Variants in SNTG2 observed in about 807,000 individuals in gnomAD.
SNTG2 encodes the protein gamma-2-syntrophin.
SNTG2 carries 74 observed loss-of-function variants against 70.9 expected under a neutral mutation model. The observed-to-expected ratio is 1.04, with a 90% CI of 0.86 to 1.27. The LOEUF is 1.27. SNTG2 is among the 50% of genes most tolerant of loss of function. The pLI, the probability that SNTG2 is intolerant of heterozygous loss-of-function variation, is 0.00. For missense variants in SNTG2, 717 were observed against 690.7 expected (o/e 1.04, Z -0.43); for synonymous variants, 278 against 273.8 (o/e 1.02, Z -0.15).
chr2:975,159 C>G (rs1660869612), intron 1 of SNTG2, among the ~76,000 whole-genome samples: 1 of 151,734 alleles, frequency 6.6e-6, no homozygotes, highest in Non-Finnish European at 1.5e-5. Context: ...CCCTTCCACT[C>G]ACACTTGGAA....
intron 8 of SNTG2, among the ~76,000 whole-genome samples, chr2:1,197,486 T>C (rs1235909648): frequency 7.3e-6 from 1 of 136,062 alleles, no homozygotes; most frequent in Admixed American, 8.4e-5. Flanking sequence ...TATATATATA[T>C]GTGTATGTAT....
chr2:1,203,498 A>C (rs1256267599), intron 8 of SNTG2, among the ~76,000 whole-genome samples: 1 of 143,462 alleles, frequency 7.0e-6, no homozygotes, highest in Non-Finnish European at 1.5e-5. Flanking sequence ...TCTCTACTTA[A>C]AAAAAAAAAG....
chr2:1,125,774 A>C (rs1454234498), intron 4 of SNTG2, among the ~76,000 whole-genome samples: 2 of 152,176 alleles, frequency 1.3e-5, no homozygotes, highest in African/African-American at 4.8e-5. Flanking sequence ...TAGATCAGTT[A>C]GTAAATTTCA....
chr2:958,354 A>G (rs905708512), intron 1 of SNTG2, among the ~76,000 whole-genome samples: 1 of 152,224 alleles, frequency 6.6e-6, no homozygotes, highest in Admixed American at 6.5e-5. Context: ...ACAAAATGGG[A>G]ACAGGTTCAT....
intron 1 of SNTG2, among the ~76,000 whole-genome samples, chr2:994,564 C>A (rs1459318385): frequency 1.3e-5 from 2 of 151,994 alleles, no homozygotes; most frequent in Non-Finnish European, 2.9e-5. Context: ...TCAATTTCTG[C>A]AAATAAATCA....
intron 9 of SNTG2, among the ~76,000 whole-genome samples, chr2:1,235,377 A>G (rs56657979): frequency 2.6e-4 from 11 of 42,376 alleles, no homozygotes; most frequent in East Asian, 6.6e-4. Context: ...GAGAGGGGGG[A>G]CCCCTGCCCC....
chr2:1,024,409 G>A (rs1363568670), intron 1 of SNTG2, among the ~76,000 whole-genome samples: 1 of 152,140 alleles, frequency 6.6e-6, no homozygotes, highest in African/African-American at 2.4e-5. Context: ...TCCATCTGTT[G>A]CCCAGGCTGG....
At chr2:1,084,081 G>A (rs558003968) in intron 2 of SNTG2, among the ~76,000 whole-genome samples, 3 of 152,128 alleles carry the variant, frequency 2.0e-5, no homozygotes, top group Admixed American at 2.0e-4. Flanking sequence ...ACCCCCAAAA[G>A]CCACCATGTG....
Position 1,079,557 on chromosome 2 carries a change from CT to C in SNTG2, c.73-3958del, listed in dbSNP as rs1430206282. On this transcript the variant is annotated intron_variant, in intron 1 of 16. Coordinates refer to ENST00000308624, the MANE Select transcript of SNTG2 (RefSeq NM_018968.4). ...AAACAACAGATGATCTATTAGAGGT[CT>C]TTGTTGAATCTTATTTGCTTTCCTT... Among the ~76,000 whole-genome samples, 5 of 152,148 alleles carry C rather than the reference CT, an allele frequency of 3.3e-5. No homozygotes were observed. In the East Asian group the frequency reaches 9.6e-4, roughly 29 times the overall value.
intron 4 of SNTG2, among the ~76,000 whole-genome samples, chr2:1,121,031 G>T (rs1667342502): frequency 6.6e-6 from 1 of 151,546 alleles, no homozygotes; most frequent in Non-Finnish European, 1.5e-5. Context: ...AACAAATTTT[G>T]TATTGCAATT....
intron 9 of SNTG2, among the ~76,000 whole-genome samples, chr2:1,223,524 G>A (rs1261394956): frequency 1.3e-5 from 2 of 152,230 alleles, no homozygotes; most frequent in Non-Finnish European, 2.9e-5. Context: ...AACCACAGCT[G>A]TGGCCAGAGT....
intron 13 of SNTG2, 70 bp from the exon 14 acceptor site, chr2:1,267,295 A>C (rs1678792274): frequency 8.4e-6 from 12 of 1,436,056 alleles, no homozygotes; most frequent in South Asian, 1.2e-5. Context: ...CCTTCTCCCC[A>C]CACCAGGGCC....
intron 9 of SNTG2, among the ~76,000 whole-genome samples, chr2:1,222,567 T>A: frequency 3.1e-5 from 1 of 32,108 alleles, no homozygotes; most frequent in South Asian, 1.8e-3. Flanking sequence ...AGCGGTGCAG[T>A]GATGGAGGGC....
At position 1,069,604 on chromosome 2, in the gene SNTG2, A is replaced by G. The variant is rs192968517; in HGVS notation, c.73-13914A>G. ...TCAAGAGATCGAGATCATCCTGGCC[A>G]ACATGGTGAAACCCTGTCTGTACTA... On this transcript the variant is annotated intron_variant, in intron 1 of 16. Transcript: ENST00000308624. Among the ~76,000 whole-genome samples the G allele has an allele frequency of 2.0e-3, 304 of 152,178 alleles. 1 individual carries two copies. The highest frequency in any genetic ancestry group is 3.4e-3 in the Non-Finnish European group (231 of 67,988).
chr2:1,239,177 A>C (rs1676883711), intron 10 of SNTG2, among the ~76,000 whole-genome samples: 1 of 152,214 alleles, frequency 6.6e-6, no homozygotes. Flanking sequence ...GTCATTTCAC[A>C]AATCAGCCCT....
At chr2:1,091,678 A>G (rs561064734) in intron 2 of SNTG2, among the ~76,000 whole-genome samples, 1 of 152,348 alleles carries the variant, frequency 6.6e-6, no homozygotes, top group East Asian at 1.9e-4. Context: ...TTTGGGTGTG[A>G]GAAGCCAGAT....
At chr2:1,197,549 GTA>G (rs149042012) in intron 8 of SNTG2, among the ~76,000 whole-genome samples, 6 of 138,712 alleles carry the variant, frequency 4.3e-5, no homozygotes, top group African/African-American at 1.6e-4. Flanking sequence ...GTGTGTGTGT[GTA>G]TATTTGATAC....
intron 6 of SNTG2, among the ~76,000 whole-genome samples, chr2:1,149,681 T>TTG: frequency 1.9e-4 from 1 of 5,288 alleles, no homozygotes; most frequent in African/African-American, 4.3e-4. Context: ...CGTTTTTTTT[T>TTG]TTTTTTTTTT....
chr2:1,081,558 G>A lies in SNTG2; in HGVS notation c.73-1960G>A, dbSNP rs2148165246. On this transcript the variant is annotated intron_variant, in intron 1 of 16. Coordinates refer to ENST00000308624, the MANE Select transcript of SNTG2 (RefSeq NM_018968.4). ...GCAGGGCCAGCAGTCAGGCTGCAAA[G>A]GGCCAGGGGGCCTGGGTCCAGCCAC... 1.3e-5 allele frequency among the ~76,000 whole-genome samples: 2 copies of A among 152,374 alleles called. 1 individual carries two copies. Among genetic ancestry groups the A allele is most frequent in the South Asian group, 4.1e-4 (2 of 4,830 alleles).
Sources: allele counts gnomAD v4.1 joint callset (sites outside exome capture counted in the v4.1 genomes callset), GRCh38; gene constraint gnomAD v4.1.1; transcripts MANE v1.5; gene names NCBI Gene and HGNC (gene_info 2026-07-23, HGNC 2026-07-21).